Variants in HIP1 observed in about 807,000 individuals in gnomAD.
HIP1 encodes the protein huntingtin-interacting protein 1.
HIP1 carries 65 observed loss-of-function variants against 147.6 expected under a neutral mutation model. The ratio of observed to expected loss-of-function variants is 0.44; its 90% CI spans 0.36 to 0.54. HIP1 has a LOEUF of 0.54. Ranked by LOEUF, HIP1 falls within the 20% of genes least tolerant of loss-of-function variation. HIP1 has a pLI of 0.00. For synonymous variants in HIP1, 479 were observed against 504.0 expected (o/e 0.95, Z 0.67); for missense variants, 1,061 against 1,299.6 (o/e 0.82, Z 2.82).
At chr7:75,634,656 T>C (rs1798360433) in intron 1 of HIP1, among the ~76,000 whole-genome samples, 1 of 152,128 alleles carries the variant, frequency 6.6e-6, no homozygotes. Flanking sequence ...CCAGGTGTGG[T>C]GGCTCATGCC....
At chr7:75,633,776 T>C (rs1264984630) in intron 1 of HIP1, among the ~76,000 whole-genome samples, 1 of 152,152 alleles carries the variant, frequency 6.6e-6, no homozygotes, top group Non-Finnish European at 1.5e-5. Flanking sequence ...CAAATACATG[T>C]GATACCAGCA....
chr7:75,572,240 A>AG (rs1175419152), intron 8 of HIP1, among the ~76,000 whole-genome samples: 9 of 152,020 alleles, frequency 5.9e-5, no homozygotes, highest in Non-Finnish European at 1.0e-4. Context: ...AAAAAAAAAA[A>AG]AAAGTGTAAG....
chr7:75,713,746 G>T (rs1554520308), intron 1 of HIP1, among the ~76,000 whole-genome samples: 1 of 150,858 alleles, frequency 6.6e-6, no homozygotes, highest in Non-Finnish European at 1.5e-5. Context: ...GCCCAGGCTG[G>T]AGTGCAGTGG....
At chr7:75,666,216 C>T (rs997005887) in intron 1 of HIP1, among the ~76,000 whole-genome samples, 12 of 151,320 alleles carry the variant, frequency 7.9e-5, no homozygotes, top group Admixed American at 2.0e-4. Context: ...TTGCCCAGGC[C>T]GGAGTGCAGT....
intron 1 of HIP1, among the ~76,000 whole-genome samples, chr7:75,706,623 A>ATTTTTTTTTTTT (rs71082342): frequency 2.9e-5 from 3 of 103,642 alleles, no homozygotes; most frequent in Non-Finnish European, 5.6e-5. Context: ...TCAACTCGTC[A>ATTTTTTTTTTTT]TTTTTTTTTT....
chr7:75,563,331 C>T, intron 9 of HIP1, 68 bp from the exon 10 acceptor site: 2 of 1,467,120 alleles, frequency 1.4e-6, no homozygotes, highest in Non-Finnish European at 9.5e-7. Flanking sequence ...GACAGAGCAG[C>T]CACCTGGCTT....
intron 5 of HIP1, among the ~76,000 whole-genome samples, chr7:75,585,516 C>T (rs1391068766): frequency 6.6e-6 from 1 of 151,900 alleles, no homozygotes; most frequent in African/African-American, 2.4e-5. Context: ...TCCCCGCCTC[C>T]TCATGACACC....
intron 1 of HIP1, among the ~76,000 whole-genome samples, chr7:75,714,278 G>A (rs1801250000): frequency 6.6e-6 from 1 of 150,678 alleles, no homozygotes; most frequent in Admixed American, 6.6e-5. Context: ...GGCCTCAGGT[G>A]ATCCTCCCAC....
intron 1 of HIP1, among the ~76,000 whole-genome samples, chr7:75,700,806 C>T (rs547150620): frequency 8.6e-5 from 13 of 151,956 alleles, no homozygotes; most frequent in African/African-American, 2.4e-4. Flanking sequence ...CCCGGGTTCA[C>T]GCCATTCTCC....
chr7:75,545,665 G>A lies in HIP1; in HGVS notation c.2560-477C>T, dbSNP rs1223639458. 2.7e-5 allele frequency among the ~76,000 whole-genome samples: 4 copies of A among 150,642 alleles called. No individual in the cohort carries two copies. In the Admixed American group the frequency reaches 2.7e-4, roughly 10 times the overall value. On this transcript the variant is annotated intron_variant, in intron 25 of 30. Transcript: ENST00000336926. The stretch of plus-strand genomic sequence containing the variant: ...TCAAACAAAACAAAACAAAACCCTG[G>A]CTAGGCGCGGTGGTTCACGCCTGTA...
intron 1 of HIP1, among the ~76,000 whole-genome samples, chr7:75,601,329 C>T (rs1219501518): frequency 6.6e-6 from 1 of 152,074 alleles, no homozygotes; most frequent in Admixed American, 6.6e-5. Flanking sequence ...TGGCTCATGC[C>T]TGTAATCCCA....
At chr7:75,662,596 C>T (rs1367012957) in intron 1 of HIP1, among the ~76,000 whole-genome samples, 3 of 152,186 alleles carry the variant, frequency 2.0e-5, no homozygotes, top group African/African-American at 7.2e-5. Flanking sequence ...ACCTCCCTCT[C>T]CCAGGTTCAA....
chr7:75,595,282 TCC>T, intron 2 of HIP1, among the ~76,000 whole-genome samples: 1 of 51,580 alleles, frequency 1.9e-5, no homozygotes, highest in Non-Finnish European at 3.4e-5. Flanking sequence ...CTTCCTTCCT[TCC>T]TTTCTTTCTT....
rs1336600244 is a variant in HIP1 at position 75,575,915 on chromosome 7, A to G, written c.605-2014T>C. Among the ~76,000 whole-genome samples, 21 of 141,692 alleles carry G rather than the reference A, an allele frequency of 1.5e-4. No individual in the cohort carries two copies. In the South Asian group the frequency reaches 2.9e-3, roughly 19 times the overall value. 93.0% of individuals were successfully genotyped at this position (141,692 alleles called of 152,430 possible). A position where few individuals can be genotyped will look rare whatever the true frequency, so the allele number is the denominator to read the frequency against. On this transcript the variant is annotated intron_variant, in intron 7 of 30. Transcript: ENST00000336926. ...GGTAACTGGGTTAGTCTGGCAGCTG[A>G]AAAAAAAAAAAATCCCGAACTGTTC...
At chr7:75,624,207 C>T (rs1351134336) in intron 1 of HIP1, among the ~76,000 whole-genome samples, 2 of 152,256 alleles carry the variant, frequency 1.3e-5, no homozygotes, top group East Asian at 1.9e-4. Flanking sequence ...CAGGCAGAGG[C>T]GCTGATGGAT....
chr7:75,683,277 G>A (rs6951480), intron 1 of HIP1, among the ~76,000 whole-genome samples: 29,824 of 151,920 alleles, frequency 0.2, 3,273 homozygotes, highest in Admixed American at 0.28. Context: ...CACCGTGCCC[G>A]GCCTCACTTG....
chr7:75,556,720 G>C lies in HIP1; in HGVS notation c.1673C>G (p.Thr558Ser). ...AAAGGAGGTATTTACCTGGGCAGAA[G>C]TTTCCAGGCTGCCTTGCAGAACCTG... ...ELQVLQGSLE[T>S]SAQSEANWAA... The change falls in exon 17 of 31, where the codon ACT (threonine) becomes AGT (serine). Residue 558 changes from threonine (T) to serine (S), a missense_variant. Transcript: ENST00000336926. 1.2e-6 allele frequency: 2 copies of C among 1,607,956 alleles called. No individual in the cohort carries two copies. Among genetic ancestry groups the C allele is most frequent in the Non-Finnish European group, 1.7e-6 (2 of 1,174,770 alleles).
intron 30 of HIP1, among the ~76,000 whole-genome samples, chr7:75,538,789 T>C (rs1229309593): frequency 1.3e-5 from 2 of 152,066 alleles, no homozygotes; most frequent in South Asian, 2.1e-4. Context: ...TTAGCCAGGA[T>C]GGTCTCGATC....
At chr7:75,660,769 A>C (rs1799286099) in intron 1 of HIP1, among the ~76,000 whole-genome samples, 1 of 152,188 alleles carries the variant, frequency 6.6e-6, no homozygotes, top group African/African-American at 2.4e-5. Context: ...ACAAAAAAAG[A>C]AAAAAGCAAA....
Sources: allele counts gnomAD v4.1 joint callset (sites outside exome capture counted in the v4.1 genomes callset), GRCh38; gene constraint gnomAD v4.1.1; transcripts MANE v1.5; gene names NCBI Gene and HGNC (gene_info 2026-07-23, HGNC 2026-07-21).